RALGAPA2: variants seen among roughly 807,000 people sequenced by gnomAD.
RALGAPA2 encodes Ral GTPase activating protein catalytic subunit alpha 2, also known as ral GTPase-activating protein subunit alpha-2.
Under a neutral mutation model 230.4 loss-of-function variants are expected in RALGAPA2, and 139 were observed. The ratio of observed to expected loss-of-function variants is 0.60; its 90% confidence interval spans 0.53 to 0.69. The LOEUF is 0.69. Ranked by LOEUF, RALGAPA2 falls within the 30% of genes least tolerant of loss-of-function variation. RALGAPA2 has a pLI of 0.00. For missense variants in RALGAPA2, 2,163 were observed against 2,276.0 expected, an observed-to-expected ratio of 0.95 and a Z score of 1.01; for synonymous variants, 847 against 837.8, an observed-to-expected ratio of 1.01 and a Z score of -0.19.
chr20:20,496,883 A>G (rs1308040664), intron 35 of RALGAPA2, among the ~76,000 whole-genome samples: 1 of 152,336 alleles, frequency 6.6e-6, no homozygotes, highest in African/African-American at 2.4e-5. Flanking sequence ...TTATTTAAAA[A>G]GTGACCTGTG....
chr20:20,438,813 A>T (rs942526765), intron 37 of RALGAPA2, among the ~76,000 whole-genome samples: 2 of 152,230 alleles, frequency 1.3e-5, no homozygotes, highest in African/African-American at 4.8e-5. Context: ...AACTAAATTC[A>T]TATATATTTA....
At position 20,496,545 on chromosome 20, in the gene RALGAPA2, C is replaced by T. The variant is rs552427542; in HGVS notation, c.5209-1270G>A. Reference sequence around the variant, plus strand: ...GAAGGATGCTCTCTGGCACCATGAACAATTATTTCTTGCTTCCTTATCTAA... The same window carrying T: ...GAAGGATGCTCTCTGGCACCATGAATAATTATTTCTTGCTTCCTTATCTAA... On this transcript the variant is annotated intron_variant, in intron 35 of 39. Transcript: ENST00000202677. Among the ~76,000 whole-genome samples the T allele has an allele frequency of 2.0e-5, 3 of 152,310 alleles. No individual in the cohort carries two copies. In the South Asian group the frequency reaches 6.2e-4, roughly 32 times the overall value.
chr20:20,396,330 C>G (rs539033402), intron 39 of RALGAPA2, among the ~76,000 whole-genome samples: 5 of 152,412 alleles, frequency 3.3e-5, no homozygotes, highest in Admixed American at 1.3e-4. Context: ...CGTGTCTTAT[C>G]GGCCCATCTC....
intron 36 of RALGAPA2, among the ~76,000 whole-genome samples, chr20:20,480,636 C>A (rs567405531): frequency 6.6e-6 from 1 of 152,262 alleles, no homozygotes; most frequent in Non-Finnish European, 1.5e-5. Context: ...GTAAAGGAGG[C>A]TCCAGGATAG....
intron 37 of RALGAPA2, among the ~76,000 whole-genome samples, chr20:20,455,803 T>C (rs1267802762): frequency 2.6e-5 from 4 of 152,210 alleles, no homozygotes; most frequent in Non-Finnish European, 5.9e-5. Flanking sequence ...ATCTCAATGA[T>C]ACAATTTATA....
chr20:20,451,710 C>T (rs1333583939), intron 37 of RALGAPA2, among the ~76,000 whole-genome samples: 3 of 152,176 alleles, frequency 2.0e-5, no homozygotes, highest in Admixed American at 1.3e-4. Flanking sequence ...ATGTAGCTAT[C>T]TATTAGCACA....
Position 20,619,101 on chromosome 20 carries a change from G to C in RALGAPA2, c.1539+176C>G, listed in dbSNP as rs557765406. Among the ~76,000 whole-genome samples the C allele has an allele frequency of 5.2e-3, 789 of 152,284 alleles. 7 individuals are homozygous for C. Among genetic ancestry groups the C allele is most frequent in the African/African-American group, 0.018 (751 of 41,564 alleles). On this transcript the variant is annotated intron_variant, in intron 12 of 39. Transcript: ENST00000202677. ...TTTTGTAAATTGTGGGTAGGAATTA[G>C]AAAGAAAACTCAGAATGAGAATGTA...
intron 37 of RALGAPA2, among the ~76,000 whole-genome samples, chr20:20,425,301 T>A (rs2060358621): frequency 6.6e-6 from 1 of 152,226 alleles, no homozygotes; most frequent in Admixed American, 6.5e-5. Flanking sequence ...TGGTCCAAAG[T>A]ATTTGCACCA....
chr20:20,702,867 A>G (rs1303015065), intron 1 of RALGAPA2, among the ~76,000 whole-genome samples: 1 of 152,196 alleles, frequency 6.6e-6, no homozygotes, highest in Non-Finnish European at 1.5e-5. Flanking sequence ...CATAATTGTA[A>G]TATCAAAATT....
chr20:20,425,213 CTTAA>C (rs1446731581), intron 37 of RALGAPA2, among the ~76,000 whole-genome samples: 1 of 152,190 alleles, frequency 6.6e-6, no homozygotes, highest in Non-Finnish European at 1.5e-5. Flanking sequence ...TTGAGACATT[CTTAA>C]TTGTTACCTA....
intron 3 of RALGAPA2, among the ~76,000 whole-genome samples, chr20:20,673,935 C>A (rs1802143419): frequency 6.6e-6 from 1 of 152,060 alleles, no homozygotes; most frequent in Admixed American, 6.5e-5. Context: ...TGCCTATAAT[C>A]CCACAACTTC....
At chr20:20,546,578 T>C in intron 24 of RALGAPA2, 126 bp downstream of exon 24, 1 of 1,245,514 alleles carries the variant, frequency 8.0e-7, no homozygotes. Context: ...CCAGGGTATC[T>C]ACCCTGAGAG....
intron 10 of RALGAPA2, among the ~76,000 whole-genome samples, chr20:20,627,975 A>G (rs1249085309): frequency 6.6e-6 from 1 of 152,164 alleles, no homozygotes; most frequent in Non-Finnish European, 1.5e-5. Flanking sequence ...TTGGGGTGAA[A>G]CAAAAAGAGG....
At chr20:20,536,588 A>G in intron 25 of RALGAPA2, 68 bp downstream of exon 25, 1 of 1,517,850 alleles carries the variant, frequency 6.6e-7, no homozygotes, top group South Asian at 1.2e-5. Context: ...CACTAATGGA[A>G]GAGATAATCA....
chr20:20,605,555 C>A, intron 14 of RALGAPA2, 143 bp from the exon 15 acceptor site: 1 of 703,876 alleles, frequency 1.4e-6, no homozygotes, highest in Non-Finnish European at 2.3e-6. Flanking sequence ...TTTTAATTCT[C>A]AAAATTCATT....
At chr20:20,559,206 T>C (rs2064178646) in intron 23 of RALGAPA2, among the ~76,000 whole-genome samples, 1 of 152,226 alleles carries the variant, frequency 6.6e-6, no homozygotes. Flanking sequence ...AACATTTTTG[T>C]GTTCTGCAAA....
chr20:20,503,556 C>G, intron 34 of RALGAPA2, 50 bp from the exon 35 acceptor site: 1 of 1,411,660 alleles, frequency 7.1e-7, no homozygotes, highest in Non-Finnish European at 9.4e-7. Flanking sequence ...ATGAGCTGCT[C>G]TTTCACTAAG....
intron 37 of RALGAPA2, among the ~76,000 whole-genome samples, chr20:20,441,795 A>G (rs2060747456): frequency 6.6e-6 from 1 of 152,240 alleles, no homozygotes; most frequent in South Asian, 2.1e-4. Flanking sequence ...TTTGGAGATC[A>G]TTTTAAAACA....
chr20:20,489,962 A>G (rs537300320), intron 36 of RALGAPA2, among the ~76,000 whole-genome samples: 16 of 152,372 alleles, frequency 1.1e-4, no homozygotes, highest in Non-Finnish European at 1.8e-4. Flanking sequence ...GCAAATAAGA[A>G]GAAGATGTAT....
Sources: allele counts gnomAD v4.1 joint callset (sites outside exome capture counted in the v4.1 genomes callset), GRCh38; gene constraint gnomAD v4.1.1; transcripts MANE v1.5; gene names NCBI Gene and HGNC (gene_info 2026-07-23, HGNC 2026-07-21).